The following MEI4 variants were observed in gnomAD, a reference collection of about 807,000 sequenced individuals.
MEI4 encodes the protein meiotic double-stranded break formation protein 4.
In MEI4, 27 loss-of-function variants were observed where a neutral mutation model predicts 31.4. The observed-to-expected ratio is 0.86, with a 90% CI of 0.63 to 1.19. MEI4 has a LOEUF of 1.19. Ranked by LOEUF, MEI4 falls within the 50% of genes most tolerant of loss-of-function variation. The pLI, the probability that MEI4 is intolerant of heterozygous loss-of-function variation, is 0.00. For missense variants in MEI4, 329 were observed against 398.9 expected (o/e 0.82, Z 1.49); for synonymous variants, 122 against 145.4 (o/e 0.84, Z 1.16).
intron 2 of MEI4, among the ~76,000 whole-genome samples, chr6:77,732,408 C>T (rs1767029163): frequency 6.6e-6 from 1 of 152,000 alleles, no homozygotes; most frequent in African/African-American, 2.4e-5. Context: ...TGGGAGTTCA[C>T]TCATGATTTG....
intron 4 of MEI4, among the ~76,000 whole-genome samples, chr6:77,829,279 A>G (rs985011555): frequency 6.6e-6 from 1 of 152,090 alleles, no homozygotes; most frequent in African/African-American, 2.4e-5. Context: ...GCTTACTTGC[A>G]TATATGTGCC....
chr6:77,753,878 A>C (rs980796919), intron 2 of MEI4, among the ~76,000 whole-genome samples: 21 of 152,194 alleles, frequency 1.4e-4, no homozygotes, highest in Admixed American at 4.6e-4. Flanking sequence ...TAGACTGGAC[A>C]AAGAAAATGT....
At chr6:77,815,443 C>A (rs1368496765) in intron 3 of MEI4, among the ~76,000 whole-genome samples, 1 of 152,048 alleles carries the variant, frequency 6.6e-6, no homozygotes, top group Admixed American at 6.6e-5. Context: ...TGAAGGCAAA[C>A]TGGCCAATAT....
chr6:77,829,211 C>A, intron 4 of MEI4, 149 bp downstream of exon 4: 1 of 602,116 alleles, frequency 1.7e-6, no homozygotes, highest in East Asian at 3.5e-5. Context: ...TACTGCCTAC[C>A]AAAATTACAG....
At chr6:77,871,562 A>C (rs1771192549) in intron 4 of MEI4, among the ~76,000 whole-genome samples, 1 of 152,024 alleles carries the variant, frequency 6.6e-6, no homozygotes, top group Non-Finnish European at 1.5e-5. Flanking sequence ...GAGAGGGAGG[A>C]GGGCAAGGGC....
chr6:77,714,062 A>T (rs756633792), intron 2 of MEI4, among the ~76,000 whole-genome samples: 1 of 152,090 alleles, frequency 6.6e-6, no homozygotes, highest in African/African-American at 2.4e-5. Context: ...AAAAGACATG[A>T]TCTCATTCTT....
intron 4 of MEI4, among the ~76,000 whole-genome samples, chr6:77,893,972 A>C (rs1399027243): frequency 6.6e-6 from 1 of 152,166 alleles, no homozygotes; most frequent in Non-Finnish European, 1.5e-5. Context: ...TCTAAAACAA[A>C]AGTTGAAATT....
At chr6:77,906,221 G>A (rs140063371) in intron 4 of MEI4, among the ~76,000 whole-genome samples, 2 of 152,174 alleles carry the variant, frequency 1.3e-5, no homozygotes, top group African/African-American at 4.8e-5. Flanking sequence ...TGGTCTTTGT[G>A]GTGATATGCC....
chr6:77,730,124 T>C (rs6939080), intron 2 of MEI4, among the ~76,000 whole-genome samples: 45,485 of 151,814 alleles, frequency 0.3, 6,973 homozygotes, highest in East Asian at 0.48. Flanking sequence ...GAGATCTCAA[T>C]GGGAAAGGTA....
intron 2 of MEI4, among the ~76,000 whole-genome samples, chr6:77,736,818 C>T (rs866211069): frequency 6.6e-6 from 1 of 151,840 alleles, no homozygotes; most frequent in Non-Finnish European, 1.5e-5. Flanking sequence ...TACTAACGTT[C>T]AGAGGAGAGA....
chr6:77,681,481 T>A (rs1582017957), intron 1 of MEI4, among the ~76,000 whole-genome samples: 1 of 152,236 alleles, frequency 6.6e-6, no homozygotes, highest in East Asian at 1.9e-4. Flanking sequence ...CTGCTCCCTA[T>A]TTCCTTTTAT....
At chr6:77,853,400 T>C (rs535483925) in intron 4 of MEI4, among the ~76,000 whole-genome samples, 2 of 152,324 alleles carry the variant, frequency 1.3e-5, no homozygotes, top group Non-Finnish European at 2.9e-5. Context: ...TCCAAGGTTG[T>C]TCATTTTAAT....
chr6:77,786,422 A>G (rs1186173846), intron 3 of MEI4, among the ~76,000 whole-genome samples: 1 of 152,164 alleles, frequency 6.6e-6, no homozygotes, highest in Non-Finnish European at 1.5e-5. Context: ...GGGATCATGT[A>G]TGTCAAGAAA....
chr6:77,790,848 A>G (rs1768904601), intron 3 of MEI4, among the ~76,000 whole-genome samples: 1 of 152,194 alleles, frequency 6.6e-6, no homozygotes, highest in Admixed American at 6.6e-5. Context: ...AAAAACAAAC[A>G]ACCCCATCAA....
intron 1 of MEI4, among the ~76,000 whole-genome samples, chr6:77,667,196 A>T (rs1768655449): frequency 1.3e-5 from 2 of 152,214 alleles, no homozygotes; most frequent in South Asian, 4.1e-4. Context: ...TAGTAAAATG[A>T]AGTAATTAAA....
At chr6:77,677,372 G>T (rs1458507120) in intron 1 of MEI4, among the ~76,000 whole-genome samples, 1 of 152,074 alleles carries the variant, frequency 6.6e-6, no homozygotes, top group Non-Finnish European at 1.5e-5. Flanking sequence ...GGCCCTTCCT[G>T]TACGTCTCTT....
intron 3 of MEI4, among the ~76,000 whole-genome samples, chr6:77,786,519 C>T (rs770542718): frequency 6.6e-6 from 1 of 151,966 alleles, no homozygotes; most frequent in African/African-American, 2.4e-5. Flanking sequence ...GGATGTCAAA[C>T]ATTATTCCTT....
chr6:77,872,584 TTTA>T (rs754735984), intron 4 of MEI4, among the ~76,000 whole-genome samples: 2 of 151,960 alleles, frequency 1.3e-5, no homozygotes, highest in African/African-American at 4.8e-5. Flanking sequence ...TTTATTTTAT[TTTA>T]TTATTATTAT....
In MEI4 at chr6:77,820,283, C is replaced by G. The variant is rs565657121; in HGVS notation, c.769-8648C>G. On this transcript the variant is annotated intron_variant, in intron 3 of 4. Transcript: ENST00000684080. This position sits in a 1 kb window ranked among gnomAD's most constrained non-coding sequence, Gnocchi z 4.5. ...TTGTTTTTGGAGATGGAGTCTCACTCTGTTGCCCAGGCTGGAGGGCAATAG... is the reference window on the plus strand; with the variant it reads ...TTGTTTTTGGAGATGGAGTCTCACTGTGTTGCCCAGGCTGGAGGGCAATAG... Among the ~76,000 whole-genome samples, 2 of 152,190 alleles carry G rather than the reference C, an allele frequency of 1.3e-5. No individual in the cohort carries two copies. Among genetic ancestry groups the G allele is most frequent in the South Asian group, 4.1e-4 (2 of 4,828 alleles).
Sources: allele counts gnomAD v4.1 joint callset (sites outside exome capture counted in the v4.1 genomes callset), GRCh38; gene constraint gnomAD v4.1.1; non-coding constraint Gnocchi (gnomAD v3.1); transcripts MANE v1.5; gene names NCBI Gene and HGNC (gene_info 2026-07-23, HGNC 2026-07-21).